NUMB: variants seen among roughly 807,000 people sequenced by gnomAD.
NUMB encodes protein numb homolog.
NUMB carries 29 observed loss-of-function variants against 59.7 expected under a neutral mutation model. That is an observed-to-expected ratio of 0.49 (90% CI 0.36 to 0.66). The LOEUF is 0.66. Ranked by LOEUF, NUMB falls within the 30% of genes least tolerant of loss-of-function variation. The pLI is 0.00. For missense variants in NUMB, 723 were observed against 822.0 expected, an observed-to-expected ratio of 0.88 and a Z score of 1.47; for synonymous variants, 288 against 288.2, an observed-to-expected ratio of 1.00 and a Z score of 0.01.
intron 1 of NUMB, among the ~76,000 whole-genome samples, chr14:73,418,977 C>G (rs891518680): frequency 5.3e-5 from 8 of 152,186 alleles, no homozygotes; most frequent in Middle Eastern, 3.4e-3. Context: ...CCTTATAGTT[C>G]AAAGCATAAT....
At chr14:73,450,954 C>G (rs1883892426) in intron 1 of NUMB, among the ~76,000 whole-genome samples, 1 of 151,932 alleles carries the variant, frequency 6.6e-6, no homozygotes, top group African/African-American at 2.4e-5. Flanking sequence ...GAGTTCAAGA[C>G]TAGCCTGAGC....
intron 1 of NUMB, among the ~76,000 whole-genome samples, chr14:73,444,756 T>C (rs1595047148): frequency 1.4e-5 from 2 of 145,538 alleles, no homozygotes; most frequent in African/African-American, 2.5e-5. Flanking sequence ...ACTCAGGAGG[T>C]TGAGGCAGGA....
At position 73,455,727 on chromosome 14, in the gene NUMB, T is replaced by C. The variant is rs537633404; in HGVS notation, c.-233+2766A>G. On this transcript the variant is annotated intron_variant, in intron 1 of 12. Transcript: ENST00000555238. ...TTACTCTCTAAAAAGGAAATATCTT[T>C]TCATTTTTCTCTTTTGCAGTGTTTC... is the stretch of plus-strand genomic sequence containing the variant. Among the ~76,000 whole-genome samples the C allele has an allele frequency of 9.2e-5, 14 of 152,342 alleles. No homozygotes were observed. The East Asian group carries it at 2.5e-3, about 27-fold the overall frequency.
intron 2 of NUMB, among the ~76,000 whole-genome samples, chr14:73,381,967 CT>C (rs1448314527): frequency 2.0e-5 from 3 of 151,838 alleles, no homozygotes. Flanking sequence ...CAAACCAGAG[CT>C]TTTGGAAACC....
Position 73,292,647 on chromosome 14 carries a change from T to C in NUMB, c.450+87A>G, listed in dbSNP as rs1258765550. 17 of 1,337,124 alleles carry C rather than the reference T, an allele frequency of 1.3e-5. No individual in the cohort carries two copies. The East Asian group carries it at 4.1e-4, about 32-fold the overall frequency. The allele number at this position is 1,337,124 out of a possible 1,614,324, so 82.8% of individuals were successfully genotyped here. A position where few individuals can be genotyped will look rare whatever the true frequency, so the allele number is the denominator to read the frequency against. On this transcript the variant is annotated intron_variant, in intron 8 of 12. Transcript: ENST00000555238. ...CACTTCCAAGTACTTGTTAAAAATG[T>C]AGTAGAAACCGCTTGGCTGAGCAAA... is the stretch of plus-strand genomic sequence containing the variant.
intron 4 of NUMB, among the ~76,000 whole-genome samples, chr14:73,350,098 C>T (rs914510022): frequency 2.0e-5 from 3 of 151,180 alleles, no homozygotes; most frequent in Admixed American, 6.6e-5. Flanking sequence ...CACACACACA[C>T]ACACACACAC....
At position 73,307,811 on chromosome 14, in the gene NUMB, C is replaced by A. The variant is rs909402522; in HGVS notation, c.234+8579G>T. On this transcript the variant is annotated intron_variant, in intron 6 of 12. Coordinates refer to ENST00000555238, the MANE Select transcript of NUMB (RefSeq NM_001005743.2). ...ACAGTGGCACGATCTTGGCTCACTGCAAGCTCCGCCTCCCGGGTTCACGCC... is the reference window on the plus strand; with the variant it reads ...ACAGTGGCACGATCTTGGCTCACTGAAAGCTCCGCCTCCCGGGTTCACGCC... 4.2e-5 allele frequency among the ~76,000 whole-genome samples: 6 copies of A among 143,804 alleles called. No homozygotes were observed. In the Admixed American group the frequency reaches 4.4e-4, roughly 11 times the overall value. 94.3% of individuals were successfully genotyped at this position (143,804 alleles called of 152,430 possible).
chr14:73,303,407 C>T (rs1217508719), intron 6 of NUMB, among the ~76,000 whole-genome samples: 1 of 152,002 alleles, frequency 6.6e-6, no homozygotes, highest in African/African-American at 2.4e-5. Context: ...TGGTGAAACC[C>T]CGTCTCTACT....
chr14:73,437,550 A>C (rs1319272785), intron 1 of NUMB, among the ~76,000 whole-genome samples: 1 of 152,232 alleles, frequency 6.6e-6, no homozygotes, highest in Non-Finnish European at 1.5e-5. Context: ...TTCCTCAGTA[A>C]AACAACAGAT....
chr14:73,323,658 A>G (rs1467420676), intron 4 of NUMB, among the ~76,000 whole-genome samples: 1 of 152,232 alleles, frequency 6.6e-6, no homozygotes, highest in Non-Finnish European at 1.5e-5. Flanking sequence ...AAGCACAAAC[A>G]AAAATGACAG....
intron 4 of NUMB, among the ~76,000 whole-genome samples, chr14:73,340,616 T>G (rs1188440138): frequency 6.6e-6 from 1 of 152,234 alleles, no homozygotes; most frequent in African/African-American, 2.4e-5. Flanking sequence ...CACAGCAGAC[T>G]CCATAAATAT....
At position 73,381,188 on chromosome 14, in the gene NUMB, A is replaced by G. The variant is rs139093937; in HGVS notation, c.-100-14207T>C. 1.6e-3 allele frequency among the ~76,000 whole-genome samples: 248 copies of G among 152,292 alleles called. 1 individual carries two copies. The highest frequency in any genetic ancestry group is 5.7e-3 in the African/African-American group (237 of 41,564). ...TCTAAATCTAAAGGCAGCATTCCACATTGTCTTTAATCAACCTCGGTACCT... is the reference window on the plus strand; with the variant it reads ...TCTAAATCTAAAGGCAGCATTCCACGTTGTCTTTAATCAACCTCGGTACCT... On this transcript the variant is annotated intron_variant, in intron 2 of 12. Transcript: ENST00000555238.
chr14:73,279,162 G>A, intron 12 of NUMB, 119 bp downstream of exon 12: 8 of 1,115,566 alleles, frequency 7.2e-6, no homozygotes, highest in Non-Finnish European at 1.1e-5. Context: ...TTCTAGGAGG[G>A]AACATAGTTT....
At chr14:73,358,455 TC>T (rs112412713) in intron 3 of NUMB, among the ~76,000 whole-genome samples, 28 of 152,290 alleles carry the variant, frequency 1.8e-4, no homozygotes, top group African/African-American at 6.3e-4. Flanking sequence ...CTTACAGTTC[TC>T]CAAACAAAGC....
chr14:73,424,961 TATA>T (rs1485313995), intron 1 of NUMB, among the ~76,000 whole-genome samples: 2 of 152,266 alleles, frequency 1.3e-5, no homozygotes, highest in African/African-American at 2.4e-5. Flanking sequence ...AAGTTTGTCC[TATA>T]ATATTTTATC....
chr14:73,451,985 G>T (rs530185685), intron 1 of NUMB, among the ~76,000 whole-genome samples: 1 of 152,126 alleles, frequency 6.6e-6, no homozygotes, highest in Non-Finnish European at 1.5e-5. Context: ...GCCTGAGCAC[G>T]GTAGCTCATG....
chr14:73,421,813 C>T (rs1207227327), intron 1 of NUMB, among the ~76,000 whole-genome samples: 8 of 152,128 alleles, frequency 5.3e-5, no homozygotes, highest in Non-Finnish European at 1.5e-5. Flanking sequence ...AAAACAAACA[C>T]TTTGTGTCTA....
intron 1 of NUMB, among the ~76,000 whole-genome samples, chr14:73,447,112 G>C (rs12434150): frequency 6.7e-6 from 1 of 150,072 alleles, no homozygotes; most frequent in Non-Finnish European, 1.5e-5. Context: ...GCTTGAACCC[G>C]GGAGGCGGAG....
intron 1 of NUMB, among the ~76,000 whole-genome samples, chr14:73,431,132 T>C (rs1174322162): frequency 6.6e-6 from 1 of 151,670 alleles, no homozygotes; most frequent in Non-Finnish European, 1.5e-5. Context: ...AATTTTTGTA[T>C]TTTTAGTAGA....
Sources: gnomAD v4.1 joint callset for allele counts (sites outside exome capture counted in the v4.1 genomes callset) on GRCh38, gnomAD v4.1.1 for gene constraint, MANE v1.5 for transcripts, NCBI Gene and HGNC (gene_info 2026-07-23, HGNC 2026-07-21) for gene names.